The following CUX2 variants were observed in gnomAD, a reference collection of about 807,000 sequenced individuals.
CUX2 encodes homeobox protein cut-like 2.
A neutral mutation model predicts 144.8 loss-of-function variants in CUX2; 40 were observed. That is an observed-to-expected ratio of 0.28 (90% CI 0.21 to 0.36). The LOEUF is 0.36. Ranked by LOEUF, CUX2 falls within the 10% of genes least tolerant of loss-of-function variation. The pLI, the probability that CUX2 is intolerant of heterozygous loss-of-function variation, is 1.00. For missense variants in CUX2, 1,615 were observed against 1,994.0 expected (o/e 0.81, Z 3.62); for synonymous variants, 827 against 875.6 (o/e 0.94, Z 0.98).
At position 111,310,327 on chromosome 12, in the gene CUX2, G is replaced by A; in HGVS notation, c.1545G>A (p.Lys515=). 6.6e-7 allele frequency: 1 copy of A among 1,515,088 alleles called. No individual in the cohort carries two copies. The allele number at this position is 1,515,088 out of a possible 1,614,324, so 93.9% of individuals were successfully genotyped here. A position where few individuals can be genotyped will look rare whatever the true frequency, so the allele number is the denominator to read the frequency against. Residue 515 remains lysine (K), a synonymous_variant, in exon 15 of 22, where the codon AAG becomes AAA. Coordinates refer to ENST00000261726, the MANE Select transcript of CUX2 (RefSeq NM_015267.4). This position sits in a 1 kb window ranked among gnomAD's most constrained non-coding sequence, Gnocchi z 7.9. The part of the protein sequence containing the change: ...LVFPPAFYGA[K]PPTAPATPAP... The stretch of plus-strand genomic sequence containing the variant: ...TCCCCCCAGCCTTCTATGGCGCCAA[G>A]CCCCCCACAGCCCCTGCCACCCCGG...
In CUX2 at chr12:111,186,769, A is replaced by G. The variant is rs1329375476; in HGVS notation, c.64-27431A>G. Among the ~76,000 whole-genome samples, 1 of 148,254 alleles carries G rather than the reference A, an allele frequency of 6.7e-6. No homozygotes were observed. ...GACATGTGCAGGTATTAAAATCGAT[A>G]TGATGTGTGTATGTTTTTTTTTTTT... On this transcript the variant is annotated intron_variant, in intron 1 of 21. Coordinates refer to ENST00000261726, the MANE Select transcript of CUX2 (RefSeq NM_015267.4). The surrounding 1 kb of genome is among the most constrained non-coding windows in gnomAD (Gnocchi z 4.4).
intron 3 of CUX2, among the ~76,000 whole-genome samples, chr12:111,232,948 A>G (rs1278256070): frequency 6.6e-6 from 1 of 152,212 alleles, no homozygotes; most frequent in East Asian, 1.9e-4. Flanking sequence ...AAGTAAATAT[A>G]TAATTCCAAC....
intron 1 of CUX2, among the ~76,000 whole-genome samples, chr12:111,098,903 C>T (rs919600349): frequency 5.3e-5 from 8 of 152,226 alleles, no homozygotes; most frequent in African/African-American, 1.9e-4. Flanking sequence ...GGGGGAGCAC[C>T]GCAGACTGCC....
intron 1 of CUX2, among the ~76,000 whole-genome samples, chr12:111,082,242 G>T (rs1871934500): frequency 6.6e-6 from 1 of 152,174 alleles, no homozygotes; most frequent in South Asian, 2.1e-4. Context: ...AGCAATTCAG[G>T]CTTCTTCATC....
intron 1 of CUX2, among the ~76,000 whole-genome samples, chr12:111,154,575 G>A (rs555828369): frequency 1.3e-5 from 2 of 152,268 alleles, no homozygotes; most frequent in African/African-American, 2.4e-5. Flanking sequence ...AAGGCAAGTC[G>A]GCACGTCATA....
intron 19 of CUX2, 119 bp from the exon 20 acceptor site, chr12:111,338,167 G>A (rs537174253): frequency 9.3e-7 from 1 of 1,076,224 alleles, no homozygotes; most frequent in African/African-American, 1.6e-5. Context: ...TCCCTTCGGA[G>A]TCAGTGGAGA....
In CUX2 at chr12:111,310,079, C is replaced by A; in HGVS notation, c.1297C>A (p.Leu433Met). The A allele has an allele frequency of 7.2e-7, 1 of 1,386,056 alleles. No homozygotes were observed. Among genetic ancestry groups the A allele is most frequent in the Non-Finnish European group, 9.4e-7 (1 of 1,068,342 alleles). The allele number at this position is 1,386,056 out of a possible 1,614,324, so 85.9% of individuals were successfully genotyped here. Residue 433 changes from leucine (L) to methionine (M), a missense_variant, in exon 15 of 22, where the codon CTG becomes ATG. This residue lies in a region of CUX2 where 8 missense variants were observed against 27.6 expected (regional missense o/e 0.29). Coordinates refer to ENST00000261726, the MANE Select transcript of CUX2 (RefSeq NM_015267.4). The surrounding 1 kb of genome is among the most constrained non-coding windows in gnomAD (Gnocchi z 7.9). ...AGAGGACGATTCCATCAAGGATTCA[C>A]TGGGCACGGAGCAGTCCTACCCCTC... ...PSEDDSIKDSLGTEQSYPSPQ... is the reference protein window; with the variant it reads ...PSEDDSIKDSMGTEQSYPSPQ...
chr12:111,152,568 CAT>C (rs903031397), intron 1 of CUX2, among the ~76,000 whole-genome samples: 1 of 152,170 alleles, frequency 6.6e-6, no homozygotes, highest in African/African-American at 2.4e-5. Flanking sequence ...AAAATTAAAA[CAT>C]ATACACGATG....
In CUX2 at chr12:111,217,932, G is replaced by A; in HGVS notation, c.217G>A (p.Ala73Thr). Residue 73 changes from alanine (A) to threonine (T), a missense_variant, in exon 3 of 22, where the codon GCC (alanine) becomes ACC (threonine). This residue lies in a region of CUX2 where 295 missense variants were observed against 400.2 expected (regional missense o/e 0.74). Coordinates refer to ENST00000261726, the MANE Select transcript of CUX2 (RefSeq NM_015267.4). ...GGCTCCTGTATTAAAAAGCTTCCAA[G>A]CCGAGGTAAGACCCAGGGCCCACAG... ...MVAPVLKSFQ[A>T]EVVALSKRSQ... 1 of 1,613,972 alleles carries A rather than the reference G, an allele frequency of 6.2e-7. No homozygotes were observed. Among genetic ancestry groups the A allele is most frequent in the Non-Finnish European group, 8.5e-7 (1 of 1,180,024 alleles).
intron 21 of CUX2, among the ~76,000 whole-genome samples, chr12:111,345,708 C>G (rs530189844): frequency 7.3e-6 from 1 of 136,742 alleles, no homozygotes; most frequent in East Asian, 2.1e-4. Context: ...TGCACTCCAG[C>G]GTGGGTGACA....
chr12:111,276,329 C>T (rs1395618505), intron 4 of CUX2, among the ~76,000 whole-genome samples: 1 of 152,090 alleles, frequency 6.6e-6, no homozygotes, highest in Non-Finnish European at 1.5e-5. Context: ...TGTACTCCAG[C>T]CTGGATGACA....
chr12:111,336,993 G>A (rs1888381772), intron 19 of CUX2, among the ~76,000 whole-genome samples: 1 of 151,524 alleles, frequency 6.6e-6, no homozygotes, highest in Admixed American at 6.6e-5. Flanking sequence ...TGGGCAACAC[G>A]GCGAAACCCC....
chr12:111,237,241 C>T (rs1308101121), intron 3 of CUX2, among the ~76,000 whole-genome samples: 1 of 152,236 alleles, frequency 6.6e-6, no homozygotes, highest in Non-Finnish European at 1.5e-5. Flanking sequence ...CATCACCTGA[C>T]AGCTTGACCC....
At chr12:111,100,834 T>C (rs1436245440) in intron 1 of CUX2, among the ~76,000 whole-genome samples, 1 of 152,176 alleles carries the variant, frequency 6.6e-6, no homozygotes, top group African/African-American at 2.4e-5. Context: ...TATGAGCACA[T>C]GTGTGGGGCA....
At chr12:111,164,665 C>A (rs954851081) in intron 1 of CUX2, among the ~76,000 whole-genome samples, 2 of 152,012 alleles carry the variant, frequency 1.3e-5, no homozygotes, top group Admixed American at 6.6e-5. Flanking sequence ...GATCAGCCCC[C>A]CAAGGTGTTC....
chr12:111,034,207 A>G lies in CUX2; in HGVS notation c.30A>G (p.Gln10=). MAANVGSMF[Q]YWKRFDLRRL... is the part of the protein sequence containing the mutation. ...CCGCCAATGTGGGATCGATGTTTCAATATTGGAAGCGATTTGATCTACGGC... is the reference window on the plus strand; with the variant it reads ...CCGCCAATGTGGGATCGATGTTTCAGTATTGGAAGCGATTTGATCTACGGC... The change falls in exon 1 of 22, where the codon CAA becomes CAG. Residue 10 remains glutamine, a synonymous_variant. Transcript: ENST00000261726. This position sits in a 1 kb window ranked among gnomAD's most constrained non-coding sequence, Gnocchi z 4.2. The G allele has an allele frequency of 1.4e-6, 2 of 1,398,876 alleles. No individual in the cohort carries two copies. Among genetic ancestry groups the G allele is most frequent in the Non-Finnish European group, 9.5e-7 (1 of 1,047,194 alleles). The allele number at this position is 1,398,876 out of a possible 1,614,324, so 86.7% of individuals were successfully genotyped here. A position where few individuals can be genotyped will look rare whatever the true frequency, so the allele number is the denominator to read the frequency against.
chr12:111,093,419 G>A (rs539715167), intron 1 of CUX2, among the ~76,000 whole-genome samples: 6 of 152,124 alleles, frequency 3.9e-5, no homozygotes, highest in African/African-American at 7.2e-5. Context: ...TGTGTGGGGC[G>A]GTGAGCAAGT....
chr12:111,138,152 T>C (rs1876042749), intron 1 of CUX2, among the ~76,000 whole-genome samples: 1 of 152,208 alleles, frequency 6.6e-6, no homozygotes, highest in Non-Finnish European at 1.5e-5. Flanking sequence ...GGGCTTGGCA[T>C]GAGGACCAGC....
chr12:111,135,276 A>G (rs1258654841), intron 1 of CUX2, among the ~76,000 whole-genome samples: 2 of 152,150 alleles, frequency 1.3e-5, no homozygotes, highest in Non-Finnish European at 2.9e-5. Context: ...AGTTTTAAAT[A>G]GAGTTTCACT....
Sources: gnomAD v4.1 joint callset for allele counts (sites outside exome capture counted in the v4.1 genomes callset) on GRCh38, gnomAD v4.1.1 for gene constraint, gnomAD v4.1.1 regional missense constraint, Gnocchi (gnomAD v3.1) non-coding constraint, MANE v1.5 for transcripts, NCBI Gene and HGNC (gene_info 2026-07-23, HGNC 2026-07-21) for gene names.